Variants in MYBBP1A observed in about 807,000 individuals in gnomAD.
The protein encoded by MYBBP1A is myb-binding protein 1A.
MYBBP1A carries 147 observed loss-of-function variants against 136.3 expected under a neutral mutation model. That is an observed-to-expected ratio of 1.08 (90% CI 0.94 to 1.24). The LOEUF (loss-of-function observed/expected upper bound fraction) is 1.24, where lower values mean the gene tolerates loss of function less well. MYBBP1A is among the 50% of genes most tolerant of loss of function. The probability of loss-of-function intolerance (pLI) is 0.00; values close to 1 mark genes in which losing one functional copy is unlikely to be tolerated. For synonymous variants in MYBBP1A, 947 were observed against 735.8 expected, an observed-to-expected ratio of 1.29 and a Z score of -4.65; for missense variants, 2,060 against 1,727.4, an observed-to-expected ratio of 1.19 and a Z score of -3.41.
At chr17:4,541,719 C>T in intron 23 of MYBBP1A, 65 bp downstream of exon 23, 1 of 1,516,716 alleles carries the variant, frequency 6.6e-7, no homozygotes, top group East Asian at 2.3e-5. Context: ...ACTTCTTTCC[C>T]AGAGATCGGT....
In MYBBP1A at chr17:4,552,880, G is replaced by A. The variant is rs953370296; in HGVS notation, c.562-254C>T. Among the ~76,000 whole-genome samples, 2 of 151,016 alleles carry A rather than the reference G, an allele frequency of 1.3e-5. No individual in the cohort carries two copies. Among genetic ancestry groups the A allele is most frequent in the Admixed American group, 6.6e-5 (1 of 15,188 alleles). ...GACAGAGTCTCACTTTGCCACCCAG[G>A]CTGAGTATAGTGGTGTGATCTTGGC... On this transcript the variant is annotated intron_variant, in intron 5 of 25. Transcript: ENST00000254718. This position sits in a 1 kb window ranked among gnomAD's most constrained non-coding sequence, Gnocchi z 4.7.
rs762347661 is a variant in MYBBP1A at position 4,551,863 on chromosome 17, G to A, written c.1023+17C>T. On this transcript the variant is annotated intron_variant, in intron 8 of 25. Transcript: ENST00000254718. ...CTAGCCTTTCTGGCAGTGTCGAGCT[G>A]CACGGGCATTACCCACCTTAGCAGT... 6.2e-7 allele frequency: 1 copy of A among 1,604,508 alleles called. No homozygotes were observed.
At chr17:4,540,215 TGCATGTGTGTGCAGCA>T (rs1269673024) in intron 25 of MYBBP1A, 117 bp downstream of exon 25, 14 of 1,307,206 alleles carry the variant, frequency 1.1e-5, no homozygotes, top group Non-Finnish European at 1.3e-5. Flanking sequence ...TGCGCTTGAG[TGCATGTGTGTGCAGCA>T]GCATGCGTGT....
chr17:4,549,949 C>T, intron 9 of MYBBP1A, 109 bp downstream of exon 9: 1 of 1,259,472 alleles, frequency 7.9e-7, no homozygotes, highest in Non-Finnish European at 1.1e-6. Flanking sequence ...CCTCGCTCCT[C>T]TCATGGTTTA....
chr17:4,546,649 CTAATT>C lies in MYBBP1A; in HGVS notation c.1825-712_1825-708del, dbSNP rs1313430534. Among the ~76,000 whole-genome samples, 9 of 152,340 alleles carry C rather than the reference CTAATT, an allele frequency of 5.9e-5. No homozygotes were observed. The East Asian group carries it at 1.5e-3, about 26-fold the overall frequency. On this transcript the variant is annotated intron_variant, in intron 13 of 25. Coordinates refer to ENST00000254718, the MANE Select transcript of MYBBP1A (RefSeq NM_014520.4). ...CAGAATTGAAAGTCATTAGTTTTAA[CTAATT>C]TAATTACATTGAACTCATCTGACTG...
At chr17:4,544,990 T>TGC (rs2144452650) in intron 17 of MYBBP1A, 36 bp downstream of exon 17, 34 of 699,270 alleles carry the variant, frequency 4.9e-5, no homozygotes, top group Non-Finnish European at 5.9e-5. Flanking sequence ...ACCCGAGCCC[T>TGC]CCCCGGCCGC....
At chr17:4,544,293 G>A (rs964730731) in intron 19 of MYBBP1A, among the ~76,000 whole-genome samples, 196 bp downstream of exon 19, 9 of 150,792 alleles carry the variant, frequency 6.0e-5, no homozygotes, top group East Asian at 1.9e-4. Flanking sequence ...TCGGGAGAAC[G>A]CGGGGATGAA....
rs1377731165 is a variant in MYBBP1A, at chr17:4,544,734, C to G, written c.2481+17G>C. The G allele has an allele frequency of 1.6e-5, 25 of 1,516,346 alleles. No individual in the cohort carries two copies. Among genetic ancestry groups the G allele is most frequent in the Non-Finnish European group, 2.1e-5 (24 of 1,132,868 alleles). The allele number at this position is 1,516,346 out of a possible 1,614,324, so 93.9% of individuals were successfully genotyped here. A position where few individuals can be genotyped will look rare whatever the true frequency, so the allele number is the denominator to read the frequency against. On this transcript the variant is annotated intron_variant, in intron 18 of 25. Coordinates refer to ENST00000254718, the MANE Select transcript of MYBBP1A (RefSeq NM_014520.4). The stretch of plus-strand genomic sequence containing the variant: ...CACAGGGAGGCGGGGGTGGGTGCGG[C>G]CCGCCCCCAGGCTCACCCGGATCTG...
chr17:4,549,805 AAAAAG>A (rs1438365847), intron 9 of MYBBP1A, among the ~76,000 whole-genome samples: 2 of 151,514 alleles, frequency 1.3e-5, no homozygotes, highest in Admixed American at 6.6e-5. Context: ...AAAAAAAAAA[AAAAAG>A]AACCAGCAAA....
intron 20 of MYBBP1A, 56 bp downstream of exon 20, chr17:4,542,857 C>G: frequency 2.5e-6 from 4 of 1,606,484 alleles, no homozygotes; most frequent in Non-Finnish European, 3.4e-6. Context: ...AAGTCCCGGC[C>G]TCCACTCCCT....
Position 4,544,845 on chromosome 17 carries a change from A to C in MYBBP1A, c.2387T>G (p.Leu796Arg). The change falls in exon 18 of 26, where the codon CTC becomes CGC. Residue 796 changes from leucine (L) to arginine (R), a missense_variant. Transcript: ENST00000254718. ...MMALDQSLASLFAEQKLRIQA... is the reference protein window; with the variant it reads ...MMALDQSLASRFAEQKLRIQA... ...GATACGCAGCTTCTGCTCGGCAAAG[A>C]GGCTGGCGAGGCTCTGGTCCAGGGC... 6.2e-7 allele frequency: 1 copy of C among 1,607,124 alleles called. No homozygotes were observed. The highest frequency in any genetic ancestry group is 8.5e-7 in the Non-Finnish European group (1 of 1,177,470).
At chr17:4,540,152 G>A (rs1204207319) in intron 25 of MYBBP1A, among the ~76,000 whole-genome samples, 185 bp from the exon 26 acceptor site, 1 of 84,022 alleles carries the variant, frequency 1.2e-5, no homozygotes, top group Non-Finnish European at 2.2e-5. Context: ...CGAGGGTCCT[G>A]CGAGGCTCCT....
rs267604930 is a variant in MYBBP1A, at chr17:4,552,187, G to C, written c.843C>G (p.Phe281Leu). Residue 281 changes from phenylalanine to leucine, a missense_variant, in exon 7 of 26, where the codon TTC (phenylalanine) becomes TTG (leucine). Phe to Leu is a conservative substitution (Grantham distance 22). Coordinates refer to ENST00000254718, the MANE Select transcript of MYBBP1A (RefSeq NM_014520.4). The surrounding 1 kb of genome is among the most constrained non-coding windows in gnomAD (Gnocchi z 4.7). ...CCACCACCTCCTTCCAGAACCGTGG[G>C]AACTTGTCTTCCTTGAGTGCCAGGC... ...LLRLALKEDK[F>L]PRFWKEVVEQ... is the part of the protein sequence containing the mutation. 5.6e-6 allele frequency: 9 copies of C among 1,614,110 alleles called. No individual in the cohort carries two copies. Among genetic ancestry groups the C allele is most frequent in the Admixed American group, 1.7e-5 (1 of 60,012 alleles).
chr17:4,552,756 A>C lies in MYBBP1A; in HGVS notation c.562-130T>G. 1 of 821,412 alleles carries C rather than the reference A, an allele frequency of 1.2e-6. No homozygotes were observed. The highest frequency in any genetic ancestry group is 1.8e-6 in the Non-Finnish European group (1 of 546,488). 50.9% of individuals were successfully genotyped at this position (821,412 alleles called of 1,614,324 possible). On this transcript the variant is annotated intron_variant, in intron 5 of 25. Transcript: ENST00000254718. The surrounding 1 kb of genome is among the most constrained non-coding windows in gnomAD (Gnocchi z 4.7). Reference sequence around the variant, plus strand: ...TCATCAGAGGCCAGTTGCTAACAAAACTCAAATTCCCAGGCAGCGGGGTTT... The same window carrying C: ...TCATCAGAGGCCAGTTGCTAACAAACCTCAAATTCCCAGGCAGCGGGGTTT...
Position 4,540,385 on chromosome 17 carries a change from C to A in MYBBP1A, c.3397G>T (p.Asp1133Tyr), listed in dbSNP as rs141378997. The A allele has an allele frequency of 6.2e-7, 1 of 1,609,792 alleles. No homozygotes were observed. Among genetic ancestry groups the A allele is most frequent in the African/African-American group, 1.3e-5 (1 of 74,914 alleles). Reference protein sequence around the residue: ...AHSTGSSRLHDLYWQAMKTLG... With the variant: ...AHSTGSSRLHYLYWQAMKTLG... ...GTTTTCATGGCCTGCCAGTAGAGGTCGTGCAGGCGGCTGGAGCCGGTGGAG... is the reference window on the plus strand; with the variant it reads ...GTTTTCATGGCCTGCCAGTAGAGGTAGTGCAGGCGGCTGGAGCCGGTGGAG... Residue 1133 changes from aspartate to tyrosine, a missense_variant, in exon 25 of 26, where the codon GAC becomes TAC. By Grantham distance (160) the Asp-to-Tyr change is radical. Coordinates refer to ENST00000254718, the MANE Select transcript of MYBBP1A (RefSeq NM_014520.4).
chr17:4,545,161 T>G lies in MYBBP1A; in HGVS notation c.2175A>C (p.Glu725Asp). 1.2e-6 allele frequency: 2 copies of G among 1,613,354 alleles called. No individual in the cohort carries two copies. Among genetic ancestry groups the G allele is most frequent in the Non-Finnish European group, 1.7e-6 (2 of 1,179,928 alleles). ...TCTCTGAGCTTCTGTTGTCCTCACC[T>G]TCCTCGCTCTTGTCCTGTGTGGTAG... ...RLKGAEDKSE[E>D]GEDNRSSESE... Residue 725 changes from glutamate to aspartate, a missense_variant, in exon 17 of 26, where the codon GAA (glutamate) becomes GAC (aspartate). Transcript: ENST00000254718.
chr17:4,539,736 G>A lies in MYBBP1A; in HGVS notation c.3666C>T (p.Ala1222=), dbSNP rs267604929. 1 of 1,612,564 alleles carries A rather than the reference G, an allele frequency of 6.2e-7. No homozygotes were observed. The highest frequency in any genetic ancestry group is 8.5e-7 in the Non-Finnish European group (1 of 1,179,274). Residue 1222 remains alanine (A), a synonymous_variant, in exon 26 of 26, where the codon GCC becomes GCT. Coordinates refer to ENST00000254718, the MANE Select transcript of MYBBP1A (RefSeq NM_014520.4). ...KRNRTKAKVP[A]QANGTPTTKS... Reference sequence around the variant, plus strand: ...TGGTGGTTGGCGTCCCGTTTGCCTGGGCTGGGACCTTAGCCTTTGTCCTGT... The same window carrying A: ...TGGTGGTTGGCGTCCCGTTTGCCTGAGCTGGGACCTTAGCCTTTGTCCTGT...
chr17:4,543,067 C>T lies in MYBBP1A; in HGVS notation c.2738G>A (p.Arg913His), dbSNP rs147615510. 225 of 1,613,214 alleles carry T rather than the reference C, an allele frequency of 1.4e-4. 2 individuals carry two copies. Among genetic ancestry groups the T allele is most frequent in the South Asian group, 8.8e-4 (80 of 91,080 alleles). The change falls in exon 20 of 26, where the codon CGC (arginine) becomes CAC (histidine). Residue 913 changes from arginine to histidine, a missense_variant. Coordinates refer to ENST00000254718, the MANE Select transcript of MYBBP1A (RefSeq NM_014520.4). ...GAGGGCGGTGGGGGAGTCGGGCTGG[C>T]GGCCAGCCTGCTGCACCAACCGCTC... ...QVERLVQQAG[R>H]QPDSPTALYH...
Position 4,545,340 on chromosome 17 carries a change from C to T in MYBBP1A, c.2079G>A (p.Leu693=). The T allele has an allele frequency of 1.2e-6, 2 of 1,613,290 alleles. No homozygotes were observed. The highest frequency in any genetic ancestry group is 2.2e-5 in the South Asian group (2 of 91,062). The change falls in exon 16 of 26, where the codon CTG becomes CTA. Residue 693 remains leucine, a synonymous_variant. Transcript: ENST00000254718. ...TCTCATCCTCACTGGTCTCGGGGTTCAGCACCTGGGGAGGGGTGCCAGCCA... is the reference window on the plus strand; with the variant it reads ...TCTCATCCTCACTGGTCTCGGGGTTTAGCACCTGGGGAGGGGTGCCAGCCA... ...PRALQLILDV[L]NPETSEDEND...
Sources: gnomAD v4.1 joint callset for allele counts (sites outside exome capture counted in the v4.1 genomes callset) on GRCh38, gnomAD v4.1.1 for gene constraint, Gnocchi (gnomAD v3.1) non-coding constraint, MANE v1.5 for transcripts, NCBI Gene and HGNC (gene_info 2026-07-23, HGNC 2026-07-21) for gene names.